The following TXLNA variants were observed in gnomAD, a reference collection of about 807,000 sequenced individuals.
TXLNA encodes the protein taxilin alpha.
A neutral mutation model predicts 61.4 loss-of-function variants in TXLNA; 9 were observed. The observed-to-expected ratio is 0.15, with a 90% CI of 0.09 to 0.26. The LOEUF (loss-of-function observed/expected upper bound fraction) is 0.26. Ranked by LOEUF, TXLNA falls within the 10% of genes least tolerant of loss-of-function variation. TXLNA has a pLI of 1.00. For missense variants in TXLNA, 565 were observed against 688.8 expected, an observed-to-expected ratio of 0.82 and a Z score of 2.01; for synonymous variants, 257 against 267.7, an observed-to-expected ratio of 0.96 and a Z score of 0.39.
At chr1:32,190,346 T>G in intron 6 of TXLNA, 97 bp downstream of exon 6, 1 of 1,181,096 alleles carries the variant, frequency 8.5e-7, no homozygotes, top group South Asian at 1.7e-5. Flanking sequence ...TTCATCCCAT[T>G]CTCCCTTTCT....
intron 4 of TXLNA, among the ~76,000 whole-genome samples, chr1:32,185,999 C>T (rs1642782391): frequency 6.6e-6 from 1 of 152,098 alleles, no homozygotes; most frequent in Admixed American, 6.6e-5. Flanking sequence ...TGCCTGGCCT[C>T]TAAGTATTTA....
At position 32,181,414 on chromosome 1, in the gene TXLNA, G is replaced by T. The variant is rs778533411; in HGVS notation, c.342G>T (p.Arg114=). The change falls in exon 3 of 11, where the codon CGG becomes CGT. Residue 114 remains arginine, a synonymous_variant. Coordinates refer to ENST00000373610, the MANE Select transcript of TXLNA (RefSeq NM_175852.4). ...AACCCGAAGATGCAGAGAAGTCCCG[G>T]ACCTATGTGGCAAGGAATGGGGAGC... ...PAEPEDAEKS[R]TYVARNGEPE... is the part of the protein sequence containing the mutation. 136 of 1,614,114 alleles carry T rather than the reference G, an allele frequency of 8.4e-5. No homozygotes were observed. Among genetic ancestry groups the T allele is most frequent in the Admixed American group, 3.3e-4 (20 of 60,004 alleles).
Position 32,180,419 on chromosome 1 carries a change from CAGGACCCGA to C in TXLNA, c.75_83del (p.Pro27_Gly29del). ...AAAAGCAGCCCAGGACAACCGGAAG[CAGGACCCGA>C]GGGAGCCCAGGAGCGGCCCAGCCAG... On this transcript the variant is annotated inframe_deletion, in exon 2 of 11. Coordinates refer to ENST00000373610, the MANE Select transcript of TXLNA (RefSeq NM_175852.4). 6.2e-7 allele frequency: 1 copy of C among 1,614,016 alleles called. No homozygotes were observed. The highest frequency in any genetic ancestry group is 8.5e-7 in the Non-Finnish European group (1 of 1,179,950).
At position 32,195,710 on chromosome 1, in the gene TXLNA, C is replaced by T. The variant is rs1223322940; in HGVS notation, c.*515C>T. 8.8e-6 allele frequency: 4 copies of T among 456,378 alleles called. No individual in the cohort carries two copies. Among genetic ancestry groups the T allele is most frequent in the Admixed American group, 2.3e-5 (1 of 42,572 alleles). 28.3% of individuals were successfully genotyped at this position (456,378 alleles called of 1,614,324 possible). ...ATTCTCTAGACCTGGAAAAGGTGTC[C>T]CTAGGCAGAGCCCTGGCAGGGCGCT... On this transcript the variant is annotated 3_prime_UTR_variant, in exon 11 of 11. Coordinates refer to ENST00000373610, the MANE Select transcript of TXLNA (RefSeq NM_175852.4).
intron 5 of TXLNA, among the ~76,000 whole-genome samples, chr1:32,188,763 T>C (rs1200087909): frequency 6.6e-6 from 1 of 152,224 alleles, no homozygotes; most frequent in Non-Finnish European, 1.5e-5. Context: ...GATAAAGTAC[T>C]AAGAGAATCC....
intron 4 of TXLNA, among the ~76,000 whole-genome samples, chr1:32,185,792 A>G (rs1642777166): frequency 1.4e-5 from 2 of 140,908 alleles, no homozygotes; most frequent in East Asian, 2.2e-4. Context: ...TCCACCTCCC[A>G]GGTTCAAGCG....
Position 32,198,174 on chromosome 1 carries a change from CT to C in TXLNA, c.*2981del, listed in dbSNP as rs1643065281. The C allele has an allele frequency of 6.6e-6, 1 of 152,282 alleles. No homozygotes were observed. The highest frequency in any genetic ancestry group is 1.5e-5 in the Non-Finnish European group (1 of 68,064). 9.4% of individuals were successfully genotyped at this position (152,282 alleles called of 1,614,324 possible). ...TTATGGCCCAGCCCGGCCACTCAGA[CT>C]TGTTTGAAGCTGCACTGGCAGCTTT... On this transcript the variant is annotated 3_prime_UTR_variant, in exon 11 of 11. Coordinates refer to ENST00000373610, the MANE Select transcript of TXLNA (RefSeq NM_175852.4).
rs374937688 is a variant in TXLNA, at chr1:32,181,593, C to T, written c.505+16C>T. The T allele has an allele frequency of 6.6e-7, 1 of 1,509,308 alleles. No homozygotes were observed. The highest frequency in any genetic ancestry group is 8.9e-7 in the Non-Finnish European group (1 of 1,125,886). The allele number at this position is 1,509,308 out of a possible 1,614,324, so 93.5% of individuals were successfully genotyped here. ...AAGGGTTTGGGTGAGCAGAGGGCGG[C>T]TCTTTGTGAAGCTGGTGAGGAGAGG... is the stretch of plus-strand genomic sequence containing the variant. On this transcript the variant is annotated intron_variant, in intron 3 of 10. Transcript: ENST00000373610.
intron 4 of TXLNA, among the ~76,000 whole-genome samples, chr1:32,187,639 G>A (rs1642816172): frequency 6.6e-6 from 1 of 152,208 alleles, no homozygotes; most frequent in Non-Finnish European, 1.5e-5. Context: ...AGCAAGTTGG[G>A]GAAATGCAAC....
At position 32,181,592 on chromosome 1, in the gene TXLNA, G is replaced by A; in HGVS notation, c.505+15G>A. ...CAAGGGTTTGGGTGAGCAGAGGGCG[G>A]CTCTTTGTGAAGCTGGTGAGGAGAG... On this transcript the variant is annotated intron_variant, in intron 3 of 10. Transcript: ENST00000373610. 3 of 1,509,976 alleles carry A rather than the reference G, an allele frequency of 2.0e-6. No individual in the cohort carries two copies. The highest frequency in any genetic ancestry group is 2.7e-6 in the Non-Finnish European group (3 of 1,126,108). The allele number at this position is 1,509,976 out of a possible 1,614,324, so 93.5% of individuals were successfully genotyped here.
rs1022107796 is a variant in TXLNA at position 32,195,215 on chromosome 1, T to C, written c.*20T>C. On this transcript the variant is annotated 3_prime_UTR_variant, in exon 11 of 11. Coordinates refer to ENST00000373610, the MANE Select transcript of TXLNA (RefSeq NM_175852.4). ...GCCTAGAGAGCCTGGTGTTGGGTCA[T>C]GCTGGGAAGGGAGCGGCAGCCCAGC... The C allele has an allele frequency of 2.1e-5, 33 of 1,550,628 alleles. No individual in the cohort carries two copies. Among genetic ancestry groups the C allele is most frequent in the Non-Finnish European group, 2.7e-5 (31 of 1,151,866 alleles).
At chr1:32,193,989 G>A (rs1642961044) in intron 9 of TXLNA, 76 bp from the exon 10 acceptor site, 1 of 1,187,854 alleles carries the variant, frequency 8.4e-7, no homozygotes. Context: ...AGACACAGGT[G>A]CAGTCCCCAC....
intron 2 of TXLNA, 78 bp downstream of exon 2, chr1:32,180,592 A>T: frequency 1.4e-6 from 2 of 1,478,428 alleles, no homozygotes; most frequent in Non-Finnish European, 1.8e-6. Flanking sequence ...TTACAGGCCG[A>T]GGCCAGGTTG....
In TXLNA at chr1:32,196,656, G is replaced by T. The variant is rs1237989579; in HGVS notation, c.*1461G>T. The T allele has an allele frequency of 6.6e-6, 1 of 152,194 alleles. No homozygotes were observed. Among genetic ancestry groups the T allele is most frequent in the Non-Finnish European group, 1.5e-5 (1 of 68,046 alleles). The allele number at this position is 152,194 out of a possible 1,614,324, so 9.4% of individuals were successfully genotyped here. ...CAGTGTTTGTGCCAAGCAGTTTTCT[G>T]GGACAACAGAATGACTCAGACCAAG... On this transcript the variant is annotated 3_prime_UTR_variant, in exon 11 of 11. Transcript: ENST00000373610.
chr1:32,183,601 G>C (rs1380176639), intron 3 of TXLNA, among the ~76,000 whole-genome samples: 1 of 141,964 alleles, frequency 7.0e-6, no homozygotes, highest in Non-Finnish European at 1.5e-5. Context: ...TAATTTTTTT[G>C]TATTTTTTTT....
chr1:32,183,761 A>T (rs1160383619), intron 3 of TXLNA, among the ~76,000 whole-genome samples: 2 of 121,914 alleles, frequency 1.6e-5, no homozygotes, highest in Admixed American at 1.7e-4. Context: ...TTTTTTAGAC[A>T]GAGTCTCGCT....
At chr1:32,191,681 T>A (rs1435138063) in intron 6 of TXLNA, among the ~76,000 whole-genome samples, 2 of 152,186 alleles carry the variant, frequency 1.3e-5, no homozygotes, top group Non-Finnish European at 2.9e-5. Flanking sequence ...ATACCCAAAC[T>A]GGACTTACCT....
At chr1:32,181,214 C>T (rs375671426) in intron 2 of TXLNA, 28 bp from the exon 3 acceptor site, 494 of 1,517,336 alleles carry the variant, frequency 3.3e-4, no homozygotes, top group Non-Finnish European at 4.2e-4. Flanking sequence ...TTCTTTCTCA[C>T]TCTACCCCTC....
intron 2 of TXLNA, 110 bp from the exon 3 acceptor site, chr1:32,181,132 G>A: frequency 1.1e-6 from 1 of 893,944 alleles, no homozygotes; most frequent in Non-Finnish European, 1.6e-6. Context: ...AAAAAAAAAA[G>A]TTAGGCAACA....
Sources: allele counts gnomAD v4.1 joint callset (sites outside exome capture counted in the v4.1 genomes callset), GRCh38; gene constraint gnomAD v4.1.1; transcripts MANE v1.5; gene names NCBI Gene and HGNC (gene_info 2026-07-23, HGNC 2026-07-21).